The following CDHR4 variants were observed in gnomAD, a reference collection of about 807,000 sequenced individuals.
CDHR4 encodes the protein cadherin-related family member 4.
A neutral mutation model predicts 88.4 loss-of-function variants in CDHR4; 89 were observed. That is an observed-to-expected ratio of 1.01 (90% CI 0.85 to 1.20). CDHR4 has a LOEUF of 1.20. Among genes scored for constraint, CDHR4 ranks in the 50% most tolerant of loss-of-function variants. CDHR4 has a pLI of 0.00. For synonymous variants in CDHR4, 368 were observed against 399.2 expected (o/e 0.92, Z 0.93); for missense variants, 914 against 1,007.2 (o/e 0.91, Z 1.25).
Position 49,791,720 on chromosome 3 carries a change from C to A in CDHR4, c.2277G>T (p.Met759Ile). 2 of 1,551,662 alleles carry A rather than the reference C, an allele frequency of 1.3e-6. No homozygotes were observed. The highest frequency in any genetic ancestry group is 1.7e-6 in the Non-Finnish European group (2 of 1,146,958). The stretch of plus-strand genomic sequence containing the variant: ...AGATGGTGAGCTGACATACCAGACT[C>A]ATGACACTGCTGGGTGCCTGGGACA... ...MEMSQAPSSV[M>I]SLHFDGRAQD... Residue 759 changes from methionine (M) to isoleucine (I), a missense_variant, in exon 17 of 19, where the codon ATG becomes ATT. By Grantham distance (10) the Met-to-Ile change is conservative. Coordinates refer to ENST00000412678, the MANE Select transcript of CDHR4 (RefSeq NM_001007540.4).
rs919919060 is a variant in CDHR4, at chr3:49,794,858, C to A, written c.1185+89G>T. ...GGCTCGACAGCCATCCCTCCACCCC[C>A]ACTCCCGTGGTCTCAGAGACCCTTG... On this transcript the variant is annotated intron_variant, in intron 9 of 18. Transcript: ENST00000412678. 7.3e-6 allele frequency: 11 copies of A among 1,507,250 alleles called. No homozygotes were observed. In the South Asian group the frequency reaches 8.8e-5, roughly 12 times the overall value. 93.4% of individuals were successfully genotyped at this position (1,507,250 alleles called of 1,614,324 possible).
At chr3:49,798,152 G>GC in intron 4 of CDHR4, 1 of 149,224 alleles carries the variant, frequency 6.7e-6, no homozygotes, top group East Asian at 2.0e-4. Flanking sequence ...ACCTGCCTCA[G>GC]CCCCCTCAAA....
upstream of CDHR4, among the ~76,000 whole-genome samples, chr3:49,802,153 T>G (rs1048460929): frequency 5.3e-5 from 8 of 151,732 alleles, no homozygotes; most frequent in Non-Finnish European, 1.5e-5. Flanking sequence ...CTTCTTCTCC[T>G]TCTCCTCCTC....
chr3:49,794,934 T>C lies in CDHR4; in HGVS notation c.1185+13A>G, dbSNP rs749488995. On this transcript the variant is annotated intron_variant, in intron 9 of 18. Transcript: ENST00000412678. ...GCACCCTGCAAGTGGGTCTGGGAGC[T>C]GGGGCTGGGCACCTCAAGGACTCTG... is the stretch of plus-strand genomic sequence containing the variant. 9.0e-6 allele frequency: 14 copies of C among 1,551,372 alleles called. No individual in the cohort carries two copies. In the South Asian group the frequency reaches 1.5e-4, roughly 17 times the overall value.
chr3:49,796,834 G>A, intron 5 of CDHR4, 88 bp downstream of exon 5: 1 of 992,342 alleles, frequency 1.0e-6, no homozygotes, highest in Non-Finnish European at 1.5e-6. Context: ...TAGTCAAGGA[G>A]GCCAAGGAGG....
At chr3:49,792,426 T>TG (rs2081193197) in intron 15 of CDHR4, 42 bp downstream of exon 15, 5 of 1,548,266 alleles carry the variant, frequency 3.2e-6, no homozygotes, top group Admixed American at 2.0e-5. Context: ...GGTCCATAGG[T>TG]GGGTTGGGGG....
chr3:49,798,779 C>T (rs775027898), intron 4 of CDHR4, 47 bp downstream of exon 4: 16 of 1,560,792 alleles, frequency 1.0e-5, no homozygotes, highest in Non-Finnish European at 1.4e-5. Context: ...TTCTCTCCAT[C>T]CCCCCACCCC....
At chr3:49,801,851 A>C (rs1012380965), upstream of CDHR4, among the ~76,000 whole-genome samples, 2 of 152,162 alleles carry the variant, frequency 1.3e-5, no homozygotes, top group Admixed American at 1.3e-4. Context: ...TTCCACTCTT[A>C]TTGCAGAATC....
chr3:49,791,678 T>G (rs2081182030), intron 17 of CDHR4, 36 bp downstream of exon 17: 2 of 1,549,152 alleles, frequency 1.3e-6, no homozygotes, highest in African/African-American at 2.7e-5. Flanking sequence ...TGAAGCACCC[T>G]TGGTGTCCAC....
upstream of CDHR4, chr3:49,799,956 T>C: frequency 1.4e-6 from 1 of 729,478 alleles, no homozygotes; most frequent in Non-Finnish European, 2.3e-6. Context: ...CACCCATCCC[T>C]GGTGACTGAG....
chr3:49,795,448 C>T lies in CDHR4; in HGVS notation c.848-69G>A. ...CAGAGATCAGCCCCGCCTCCCAGCT[C>T]AGTCCCACTCCTGCCAGCCCACCAG... On this transcript the variant is annotated intron_variant, in intron 7 of 18. Coordinates refer to ENST00000412678, the MANE Select transcript of CDHR4 (RefSeq NM_001007540.4). This position sits in a 1 kb window ranked among gnomAD's most constrained non-coding sequence, Gnocchi z 5.4. The T allele has an allele frequency of 4.0e-6, 6 of 1,516,896 alleles. No homozygotes were observed. Among genetic ancestry groups the T allele is most frequent in the Non-Finnish European group, 4.4e-6 (5 of 1,129,488 alleles). The allele number at this position is 1,516,896 out of a possible 1,614,324, so 94.0% of individuals were successfully genotyped here. A position where few individuals can be genotyped will look rare whatever the true frequency, so the allele number is the denominator to read the frequency against.
chr3:49,796,907 C>T lies in CDHR4; in HGVS notation c.606+15G>A. The T allele has an allele frequency of 2.6e-6, 4 of 1,546,174 alleles. No individual in the cohort carries two copies. Among genetic ancestry groups the T allele is most frequent in the South Asian group, 2.4e-5 (2 of 83,928 alleles). On this transcript the variant is annotated intron_variant, in intron 5 of 18. Coordinates refer to ENST00000412678, the MANE Select transcript of CDHR4 (RefSeq NM_001007540.4). Reference sequence around the variant, plus strand: ...CCCAATCCATAAACACCCTCAGATTCCAGGTCATGCTCACCTTTTGAGCCT... The same window carrying T: ...CCCAATCCATAAACACCCTCAGATTTCAGGTCATGCTCACCTTTTGAGCCT...
chr3:49,793,191 G>A lies in CDHR4; in HGVS notation c.1744C>T (p.Arg582Cys), dbSNP rs143779889. The A allele has an allele frequency of 1.5e-5, 23 of 1,551,580 alleles. No homozygotes were observed. The highest frequency in any genetic ancestry group is 8.3e-5 in the South Asian group (7 of 84,066). The change falls in exon 13 of 19, where the codon CGC becomes TGC. Residue 582 changes from arginine (R) to cysteine (C), a missense_variant. Physicochemically the swap from Arg to Cys is radical, Grantham distance 180. Transcript: ENST00000412678. ...ACGATGCTATAGGAGTAGATCAGGCGCTGTGGCTCCTGAGGGATCTGGCAT... is the reference window on the plus strand; with the variant it reads ...ACGATGCTATAGGAGTAGATCAGGCACTGTGGCTCCTGAGGGATCTGGCAT... ...MSCQIPQEPQRLIYSYSIVGG... is the reference protein window; with the variant it reads ...MSCQIPQEPQCLIYSYSIVGG...
intron 10 of CDHR4, 86 bp from the exon 11 acceptor site, chr3:49,794,092 T>TGGGGGTCTAAAGAGTGA: frequency 2.9e-6 from 4 of 1,357,656 alleles, no homozygotes; most frequent in Non-Finnish European, 4.0e-6. Flanking sequence ...GGCCCTGCCC[T>TGGGGGTCTAAAGAGTGA]GGGGGTCTAA....
intron 4 of CDHR4, 36 bp downstream of exon 4, chr3:49,798,790 C>T (rs1342507565): frequency 6.3e-7 from 1 of 1,598,292 alleles, no homozygotes; most frequent in Non-Finnish European, 8.6e-7. Context: ...CCCCCACCCC[C>T]ATCCTGTCAC....
intron 10 of CDHR4, 94 bp from the exon 11 acceptor site, chr3:49,794,100 T>C (rs990889443): frequency 7.8e-7 from 1 of 1,288,372 alleles, no homozygotes; most frequent in African/African-American, 1.5e-5. Flanking sequence ...CCTGGGGGTC[T>C]AAAGAGTGAG....
Position 49,794,904 on chromosome 3 carries a change from T to C in CDHR4, c.1185+43A>G. On this transcript the variant is annotated intron_variant, in intron 9 of 18. Coordinates refer to ENST00000412678, the MANE Select transcript of CDHR4 (RefSeq NM_001007540.4). ...CCTTGGCCCACCCACCCCTTCCCAC[T>C]GCAAGCACCCTGCAAGTGGGTCTGG... 4.8e-6 allele frequency: 7 copies of C among 1,452,420 alleles called. No individual in the cohort carries two copies. In the South Asian group the frequency reaches 6.1e-5, roughly 13 times the overall value. 90.0% of individuals were successfully genotyped at this position (1,452,420 alleles called of 1,614,324 possible).
At position 49,791,478 on chromosome 3, in the gene CDHR4, G is replaced by GAAA. The variant is rs577730415; in HGVS notation, c.2284-13_2284-11dup. 4 of 1,322,832 alleles carry GAAA rather than the reference G, an allele frequency of 3.0e-6. No individual in the cohort carries two copies. The highest frequency in any genetic ancestry group is 3.1e-6 in the Non-Finnish European group (3 of 965,354). The allele number at this position is 1,322,832 out of a possible 1,614,324, so 81.9% of individuals were successfully genotyped here. On this transcript the variant is annotated splice_polypyrimidine_tract_variant and intron_variant, in intron 17 of 18. Coordinates refer to ENST00000412678, the MANE Select transcript of CDHR4 (RefSeq NM_001007540.4). ...CTCTGCCATCAAAATGCTGCTGAGG[G>GAAA]AAAAAAAAAAAAGATGCAATGAATT...
In CDHR4 at chr3:49,794,654, A is replaced by G; in HGVS notation, c.1233T>C (p.His411=). ...CATCGAGCACCAGGATGGAGGCTGC[A>G]TGCTGGAAGCAGGCTCCAGGAGTGT... ...DCDTPGACFQ[H]AASILVLDGG... is the part of the protein sequence containing the mutation. The change falls in exon 10 of 19, where the codon CAT becomes CAC. Residue 411 remains histidine, a synonymous_variant. Coordinates refer to ENST00000412678, the MANE Select transcript of CDHR4 (RefSeq NM_001007540.4). 6 of 1,551,454 alleles carry G rather than the reference A, an allele frequency of 3.9e-6. No homozygotes were observed. The highest frequency in any genetic ancestry group is 5.2e-6 in the Non-Finnish European group (6 of 1,146,926).
Sources: allele counts gnomAD v4.1 joint callset (sites outside exome capture counted in the v4.1 genomes callset), GRCh38; gene constraint gnomAD v4.1.1; non-coding constraint Gnocchi (gnomAD v3.1); transcripts MANE v1.5; gene names NCBI Gene and HGNC (gene_info 2026-07-23, HGNC 2026-07-21).